NOL9: variants seen among roughly 807,000 people sequenced by gnomAD.
NOL9 encodes the protein nucleolar protein 9.
NOL9 carries 28 observed loss-of-function variants against 67.9 expected under a neutral mutation model. That is an observed-to-expected ratio of 0.41 (90% CI 0.31 to 0.57). NOL9 has a LOEUF of 0.57. Ranked by LOEUF, NOL9 falls within the 20% of genes least tolerant of loss-of-function variation. NOL9 has a pLI of 0.25. For synonymous variants in NOL9, 356 were observed against 352.2 expected, an observed-to-expected ratio of 1.01 and a Z score of -0.12; for missense variants, 777 against 897.0, an observed-to-expected ratio of 0.87 and a Z score of 1.71.
In NOL9 at chr1:6,522,547, A is replaced by G. The variant is rs1351848359; in HGVS notation, c.*3307T>C. On this transcript the variant is annotated 3_prime_UTR_variant, in exon 12 of 12. Coordinates refer to ENST00000377705, the MANE Select transcript of NOL9 (RefSeq NM_024654.5). ...CCTTGGCGACAGAGAGTCCGTCGCAAAAGAAAAAAACAAACAAACAAACAA... is the reference window on the plus strand; with the variant it reads ...CCTTGGCGACAGAGAGTCCGTCGCAGAAGAAAAAAACAAACAAACAAACAA... The G allele has an allele frequency of 6.6e-6, 1 of 150,708 alleles. No individual in the cohort carries two copies. The highest frequency in any genetic ancestry group is 2.0e-4 in the East Asian group (1 of 5,012). 9.3% of individuals were successfully genotyped at this position (150,708 alleles called of 1,614,324 possible).
intron 6 of NOL9, among the ~76,000 whole-genome samples, chr1:6,540,277 T>G (rs1011152667): frequency 6.6e-6 from 1 of 151,648 alleles, no homozygotes; most frequent in Non-Finnish European, 1.5e-5. Context: ...CGCCCGCCAC[T>G]ACGCCTGGCT....
chr1:6,543,863 C>T (rs1263798998), intron 5 of NOL9, among the ~76,000 whole-genome samples: 7 of 151,776 alleles, frequency 4.6e-5, no homozygotes, highest in Non-Finnish European at 7.4e-5. Flanking sequence ...TGGTGGCTCA[C>T]GCCTGTAATC....
chr1:6,552,419 T>C (rs1346292695), intron 1 of NOL9, among the ~76,000 whole-genome samples: 10 of 152,234 alleles, frequency 6.6e-5, no homozygotes. Flanking sequence ...TCATCCCTTT[T>C]TATGGCTGCA....
intron 5 of NOL9, among the ~76,000 whole-genome samples, chr1:6,542,410 A>T (rs138132921): frequency 0.017 from 2,490 of 146,980 alleles, 68 homozygotes; most frequent in African/African-American, 0.06. Context: ...TGATCTGCCC[A>T]CCTCGGTCCC....
chr1:6,541,662 A>G (rs1460345482), intron 6 of NOL9, among the ~76,000 whole-genome samples, 168 bp downstream of exon 6: 1 of 152,218 alleles, frequency 6.6e-6, no homozygotes, highest in Non-Finnish European at 1.5e-5. Flanking sequence ...AGAAAGCACC[A>G]TAGTTTGTTT....
intron 6 of NOL9, among the ~76,000 whole-genome samples, chr1:6,535,854 G>A (rs1180856673): frequency 6.6e-6 from 1 of 151,682 alleles, no homozygotes; most frequent in Non-Finnish European, 1.5e-5. Flanking sequence ...CTTGAACCCA[G>A]GAGGCACAGG....
intron 1 of NOL9, among the ~76,000 whole-genome samples, chr1:6,552,541 G>A (rs1639565857): frequency 1.3e-5 from 2 of 152,012 alleles, no homozygotes; most frequent in Non-Finnish European, 2.9e-5. Context: ...TCCTGCCTCT[G>A]CCTCCAGAGT....
chr1:6,523,904 G>A lies in NOL9; in HGVS notation c.*1950C>T, dbSNP rs1218460755. On this transcript the variant is annotated 3_prime_UTR_variant, in exon 12 of 12. Transcript: ENST00000377705. Reference sequence around the variant, plus strand: ...GCCTGAAGGCAAACCTAGATTGAATGCAAATGCAATTACAGGGCACCAGTT... The same window carrying A: ...GCCTGAAGGCAAACCTAGATTGAATACAAATGCAATTACAGGGCACCAGTT... The A allele has an allele frequency of 6.6e-6, 1 of 152,234 alleles. No homozygotes were observed. The highest frequency in any genetic ancestry group is 2.4e-5 in the African/African-American group (1 of 41,450). The allele number at this position is 152,234 out of a possible 1,614,324, so 9.4% of individuals were successfully genotyped here.
intron 5 of NOL9, among the ~76,000 whole-genome samples, chr1:6,544,537 A>ACGTACG (rs1557791457): frequency 7.2e-6 from 1 of 139,080 alleles, no homozygotes; most frequent in Non-Finnish European, 1.5e-5. Flanking sequence ...ACGCACGCAC[A>ACGTACG]CACGCACCCC....
Position 6,526,758 on chromosome 1 carries a change from T to A in NOL9, c.1897A>T (p.Arg633Trp). 2 of 1,614,016 alleles carry A rather than the reference T, an allele frequency of 1.2e-6. No individual in the cohort carries two copies. The highest frequency in any genetic ancestry group is 1.7e-6 in the Non-Finnish European group (2 of 1,179,922). Residue 633 changes from arginine to tryptophan, a missense_variant, in exon 11 of 12, where the codon AGG (arginine) becomes TGG (tryptophan). Physicochemically the swap from Arg to Trp is moderately radical, Grantham distance 101. This residue lies in a region of NOL9 where 413 missense variants were observed against 552.6 expected (regional missense o/e 0.75). Transcript: ENST00000377705. ...CCAACGAGCAGACAATTCACGGTCC[T>A]TAGCTCTTCCGGGGGCACAGGGGTG... ...ILTPVPPEEL[R>W]TVNCLLVGAI... is the part of the protein sequence containing the mutation.
At chr1:6,543,598 C>T (rs538838794) in intron 5 of NOL9, among the ~76,000 whole-genome samples, 1 of 152,286 alleles carries the variant, frequency 6.6e-6, no homozygotes, top group Non-Finnish European at 1.5e-5. Context: ...CTCCTTGGCT[C>T]AAGCCAGCCT....
Position 6,529,988 on chromosome 1 carries a change from G to A in NOL9, c.1648-817C>T, listed in dbSNP as rs902443780. ...CAAAAATTTAGCCAAGTGTGGTGGCGCATGCCTTTAGTCTTAGCTACTTGG... is the reference window on the plus strand; with the variant it reads ...CAAAAATTTAGCCAAGTGTGGTGGCACATGCCTTTAGTCTTAGCTACTTGG... On this transcript the variant is annotated intron_variant, in intron 9 of 11. Transcript: ENST00000377705. Among the ~76,000 whole-genome samples the A allele has an allele frequency of 1.1e-4, 17 of 152,182 alleles. 1 individual carries two copies. Among genetic ancestry groups the A allele is most frequent in the African/African-American group, 1.4e-4 (6 of 41,522 alleles).
At chr1:6,536,006 C>T (rs940801728) in intron 6 of NOL9, among the ~76,000 whole-genome samples, 19 of 152,044 alleles carry the variant, frequency 1.2e-4, no homozygotes, top group African/African-American at 4.3e-4. Flanking sequence ...TGGTCCAGAC[C>T]GGGCTACAAA....
At chr1:6,547,082 C>T (rs12029123) in intron 3 of NOL9, among the ~76,000 whole-genome samples, 26,493 of 152,258 alleles carry the variant, frequency 0.17, 2,770 homozygotes, top group African/African-American at 0.29. Context: ...CTGCTGCTCC[C>T]TCATCTTTGC....
Position 6,526,681 on chromosome 1 carries a change from C to G in NOL9, c.1959+15G>C, listed in dbSNP as rs199890709. ...AGTAGGCTCCTTCCAGGGCTGTGCC[C>G]GGGGGAAGGCTCACCTGGCACTTAA... On this transcript the variant is annotated intron_variant, in intron 11 of 11. Transcript: ENST00000377705. 5 of 1,603,426 alleles carry G rather than the reference C, an allele frequency of 3.1e-6. No individual in the cohort carries two copies. The highest frequency in any genetic ancestry group is 2.2e-5 in the South Asian group (2 of 89,178).
Position 6,554,157 on chromosome 1 carries a change from C to T in NOL9, c.346G>A (p.Val116Met), listed in dbSNP as rs1431821001. The change falls in exon 1 of 12, where the codon GTG (valine) becomes ATG (methionine). Residue 116 changes from valine (V) to methionine (M), a missense_variant. Val to Met is a conservative substitution (Grantham distance 21, BLOSUM62 1). Coordinates refer to ENST00000377705, the MANE Select transcript of NOL9 (RefSeq NM_024654.5). ...SCHRPLLIPP[V>M]RPVGPGRALL... ...GCGCGGCCGGGGCCCACGGGCCGCA[C>T]CGGTGGGATGAGGAGAGGCCGGTGG... 2 of 1,530,312 alleles carry T rather than the reference C, an allele frequency of 1.3e-6. No individual in the cohort carries two copies. The highest frequency in any genetic ancestry group is 2.7e-5 in the East Asian group (1 of 37,646). 94.8% of individuals were successfully genotyped at this position (1,530,312 alleles called of 1,614,324 possible).
chr1:6,532,467 T>A lies in NOL9; in HGVS notation c.1531A>T (p.Asn511Tyr). The A allele has an allele frequency of 1.2e-6, 2 of 1,605,854 alleles. No homozygotes were observed. The highest frequency in any genetic ancestry group is 1.3e-5 in the African/African-American group (1 of 74,724). Residue 511 changes from asparagine to tyrosine, a missense_variant, in exon 8 of 12, where the codon AAT becomes TAT. Physicochemically the swap from Asn to Tyr is moderately radical, Grantham distance 143. Coordinates refer to ENST00000377705, the MANE Select transcript of NOL9 (RefSeq NM_024654.5). ...TDFAFRITPR[N>Y]RESHNKILRD... ...AGCCAAATGAGGGTTAGTTACCTAT[T>A]TCTTGGAGTTATTCTGAATGCAAAG...
chr1:6,526,070 C>CTCTCACACCTAGAAGGCAGTGTCA, intron 11 of NOL9, 67 bp from the exon 12 acceptor site: 1 of 1,384,006 alleles, frequency 7.2e-7, no homozygotes, highest in Non-Finnish European at 1.0e-6. Flanking sequence ...TTACAGTGCT[C>CTCTCACACCTAGAAGGCAGTGTCA]TCTCACACCT....
intron 10 of NOL9, 136 bp downstream of exon 10, chr1:6,528,858 C>T (rs1240590409): frequency 1.8e-5 from 13 of 722,640 alleles, no homozygotes; most frequent in South Asian, 2.5e-5. Context: ...GCCCCTAAGG[C>T]GTGCTATATA....
Sources: gnomAD v4.1 joint callset for allele counts (sites outside exome capture counted in the v4.1 genomes callset) on GRCh38, gnomAD v4.1.1 for gene constraint, gnomAD v4.1.1 regional missense constraint, MANE v1.5 for transcripts, NCBI Gene and HGNC (gene_info 2026-07-23, HGNC 2026-07-21) for gene names.